Variants in ALDH1A3 observed in about 807,000 individuals in gnomAD.
ALDH1A3 encodes aldehyde dehydrogenase 1 family member A3.
A neutral mutation model predicts 57.5 loss-of-function variants in ALDH1A3; 28 were observed. That is an observed-to-expected ratio of 0.49 (90% confidence interval 0.36 to 0.67). ALDH1A3 has a LOEUF of 0.67. ALDH1A3 is among the 30% of genes least tolerant of loss of function. The pLI, the probability that ALDH1A3 is intolerant of heterozygous loss-of-function variation, is 0.00. For synonymous variants in ALDH1A3, 281 were observed against 264.8 expected, an observed-to-expected ratio of 1.06 and a Z score of -0.59; for missense variants, 507 against 669.4, an observed-to-expected ratio of 0.76 and a Z score of 2.68.
chr15:100,886,303 G>C (rs80130088), intron 2 of ALDH1A3, among the ~76,000 whole-genome samples: 4,499 of 152,304 alleles, frequency 0.03, 120 homozygotes, highest in African/African-American at 0.052. Context: ...GAGGGCATTG[G>C]GGGGAAGCCA....
chr15:100,898,347 ACAGG>A (rs1192130879), intron 8 of ALDH1A3, among the ~76,000 whole-genome samples, 162 bp downstream of exon 8: 1 of 152,244 alleles, frequency 6.6e-6, no homozygotes, highest in Non-Finnish European at 1.5e-5. Context: ...CCAGCCGCAG[ACAGG>A]CAGGTGGACA....
At position 100,914,916 on chromosome 15, in the gene ALDH1A3, G is replaced by GT; in HGVS notation, c.*147dup. 1 of 733,196 alleles carries GT rather than the reference G, an allele frequency of 1.4e-6. No homozygotes were observed. Among genetic ancestry groups the GT allele is most frequent in the Non-Finnish European group, 2.2e-6 (1 of 448,772 alleles). 45.4% of individuals were successfully genotyped at this position (733,196 alleles called of 1,614,324 possible). A position where few individuals can be genotyped will look rare whatever the true frequency, so the allele number is the denominator to read the frequency against. On this transcript the variant is annotated 3_prime_UTR_variant, in exon 13 of 13. Transcript: ENST00000329841. The stretch of plus-strand genomic sequence containing the variant: ...CATCTACTGGAGTTGAATGATTGCT[G>GT]TTTTCCTCTCACTCTCCTGTTTATT...
rs539632638 is a variant in ALDH1A3, at chr15:100,902,332, C to T, written c.1068+1573C>T. The stretch of plus-strand genomic sequence containing the variant: ...AGTCCTTCTGAAAGCTCACTAAAGC[C>T]GTCTAACCTCAGCATATTATTTTAG... On this transcript the variant is annotated intron_variant, in intron 9 of 12. Coordinates refer to ENST00000329841, the MANE Select transcript of ALDH1A3 (RefSeq NM_000693.4). Among the ~76,000 whole-genome samples the T allele has an allele frequency of 5.9e-5, 9 of 152,280 alleles. No homozygotes were observed. The East Asian group carries it at 9.6e-4, about 16-fold the overall frequency.
intron 9 of ALDH1A3, among the ~76,000 whole-genome samples, 162 bp downstream of exon 9, chr15:100,900,921 G>T (rs971498357): frequency 6.6e-6 from 1 of 152,172 alleles, no homozygotes; most frequent in Non-Finnish European, 1.5e-5. Context: ...ACACAATCCT[G>T]TCAGGTCCCG....
At chr15:100,911,089 A>G (rs550502690) in intron 12 of ALDH1A3, among the ~76,000 whole-genome samples, 5 of 152,380 alleles carry the variant, frequency 3.3e-5, no homozygotes, top group South Asian at 2.1e-4. Context: ...CCCTTGGCCT[A>G]TATTTTCTCA....
rs1338768733 is a variant in ALDH1A3, at chr15:100,893,722, C to A, written c.538-232C>A. On this transcript the variant is annotated intron_variant, in intron 5 of 12. Transcript: ENST00000329841. This position sits in a 1 kb window ranked among gnomAD's most constrained non-coding sequence, Gnocchi z 4.8. The stretch of plus-strand genomic sequence containing the variant: ...AGATGTTTTAGAGGGAGAGGTAGAA[C>A]ACATGCAACAGCATCCTCTTTGCAA... The A allele has an allele frequency of 6.5e-6, 3 of 463,566 alleles. No individual in the cohort carries two copies. Among genetic ancestry groups the A allele is most frequent in the Non-Finnish European group, 7.5e-6 (2 of 265,870 alleles). The allele number at this position is 463,566 out of a possible 1,614,324, so 28.7% of individuals were successfully genotyped here.
At chr15:100,901,611 C>A (rs1343438706) in intron 9 of ALDH1A3, among the ~76,000 whole-genome samples, 1 of 152,206 alleles carries the variant, frequency 6.6e-6, no homozygotes, top group Non-Finnish European at 1.5e-5. Context: ...CACAAAAACC[C>A]TTCCATGCCT....
At position 100,887,780 on chromosome 15, in the gene ALDH1A3, G is replaced by T; in HGVS notation, c.345+68G>T. 2 of 1,488,012 alleles carry T rather than the reference G, an allele frequency of 1.3e-6. No homozygotes were observed. Among genetic ancestry groups the T allele is most frequent in the Middle Eastern group, 2.2e-4 (1 of 4,532 alleles). 92.2% of individuals were successfully genotyped at this position (1,488,012 alleles called of 1,614,324 possible). A position where few individuals can be genotyped will look rare whatever the true frequency, so the allele number is the denominator to read the frequency against. ...TCACTGAGGGTCCTGTCCACCATGG[G>T]GTATGGGAAAAAAGATCACGGTCCT... On this transcript the variant is annotated intron_variant, in intron 3 of 12. Coordinates refer to ENST00000329841, the MANE Select transcript of ALDH1A3 (RefSeq NM_000693.4). The surrounding 1 kb of genome is among the most constrained non-coding windows in gnomAD (Gnocchi z 4.6).
At chr15:100,899,602 C>A (rs2041745537) in intron 8 of ALDH1A3, among the ~76,000 whole-genome samples, 1 of 152,108 alleles carries the variant, frequency 6.6e-6, no homozygotes, top group Non-Finnish European at 1.5e-5. Flanking sequence ...TCGCCTCACC[C>A]CTAGCTCCGT....
At position 100,879,945 on chromosome 15, in the gene ALDH1A3, C is replaced by A; in HGVS notation, c.38C>A (p.Pro13Gln). Residue 13 changes from proline to glutamine, a missense_variant, in exon 1 of 13, where the codon CCG (proline) becomes CAG (glutamine). By Grantham distance (76) the Pro-to-Gln change is moderately conservative. This residue lies in a region of ALDH1A3 where 75 missense variants were observed against 61.0 expected (regional missense o/e 1.23). Coordinates refer to ENST00000329841, the MANE Select transcript of ALDH1A3 (RefSeq NM_000693.4). ...TANGAVENGQPDRKPPALPRP... is the reference protein window; with the variant it reads ...TANGAVENGQQDRKPPALPRP... ...AACGGGGCCGTGGAAAACGGGCAGCCGGACAGGAAGCCGCCGGCCCTGCCG... is the reference window on the plus strand; with the variant it reads ...AACGGGGCCGTGGAAAACGGGCAGCAGGACAGGAAGCCGCCGGCCCTGCCG... 2.0e-6 allele frequency: 3 copies of A among 1,471,644 alleles called. No individual in the cohort carries two copies. The highest frequency in any genetic ancestry group is 1.3e-5 in the South Asian group (1 of 77,116). 91.2% of individuals were successfully genotyped at this position (1,471,644 alleles called of 1,614,324 possible).
chr15:100,880,605 A>C, intron 1 of ALDH1A3: 1 of 169,462 alleles, frequency 5.9e-6, no homozygotes. Context: ...TTACTGACGA[A>C]ACCTCCCCGG....
intron 12 of ALDH1A3, 113 bp downstream of exon 12, chr15:100,908,595 G>A (rs1383702059): frequency 2.7e-5 from 26 of 948,340 alleles, no homozygotes; most frequent in Middle Eastern, 2.2e-4. Flanking sequence ...CCACACCGCC[G>A]CTCTGTCTGG....
chr15:100,896,355 A>G (rs981764792), intron 7 of ALDH1A3, among the ~76,000 whole-genome samples: 2 of 151,874 alleles, frequency 1.3e-5, no homozygotes, highest in Non-Finnish European at 2.9e-5. Context: ...AATAGTCGTG[A>G]TGCATGCAGT....
At chr15:100,908,592 G>C in intron 12 of ALDH1A3, 110 bp downstream of exon 12, 1 of 985,498 alleles carries the variant, frequency 1.0e-6, no homozygotes, top group Non-Finnish European at 1.6e-6. Flanking sequence ...CCCCCACACC[G>C]CCGCTCTGTC....
At chr15:100,903,982 A>AT (rs936066243) in intron 9 of ALDH1A3, among the ~76,000 whole-genome samples, 2 of 151,542 alleles carry the variant, frequency 1.3e-5, no homozygotes, top group Non-Finnish European at 2.9e-5. Flanking sequence ...CCCCCACCCC[A>AT]TTTTTTTTAC....
chr15:100,905,853 G>A (rs1204508649), intron 10 of ALDH1A3, among the ~76,000 whole-genome samples, 166 bp downstream of exon 10: 1 of 151,602 alleles, frequency 6.6e-6, no homozygotes, highest in Non-Finnish European at 1.5e-5. Flanking sequence ...CCTCTCCTTT[G>A]GGGTCCCTAG....
At chr15:100,902,193 A>ATGCCTGATGTCTGAGTCT (rs2041776789) in intron 9 of ALDH1A3, among the ~76,000 whole-genome samples, 1 of 152,156 alleles carries the variant, frequency 6.6e-6, no homozygotes, top group Non-Finnish European at 1.5e-5. Context: ...TTCTTGGCTT[A>ATGCCTGATGTCTGAGTCT]TGCCTGATGT....
intron 1 of ALDH1A3, chr15:100,881,371 T>G (rs896222395): frequency 1.3e-5 from 2 of 152,202 alleles, no homozygotes; most frequent in African/African-American, 2.4e-5. Flanking sequence ...TACCCGAATT[T>G]TGTAAGACCC....
rs1292155450 is a variant in ALDH1A3 at position 100,913,049 on chromosome 15, T to G, written c.1467-1652T>G. On this transcript the variant is annotated intron_variant, in intron 12 of 12. Coordinates refer to ENST00000329841, the MANE Select transcript of ALDH1A3 (RefSeq NM_000693.4). ...AGCGGGCGCCTGTAGTCCCAGCTAC[T>G]CGGGAGGCTGAGGCAGGAGAATGGC... 2.1e-5 allele frequency among the ~76,000 whole-genome samples: 2 copies of G among 94,108 alleles called. 1 individual carries two copies. Among genetic ancestry groups the G allele is most frequent in the African/African-American group, 7.8e-5 (2 of 25,514 alleles). 61.7% of individuals were successfully genotyped at this position (94,108 alleles called of 152,430 possible). A position where few individuals can be genotyped will look rare whatever the true frequency, so the allele number is the denominator to read the frequency against.
Sources: gnomAD v4.1 joint callset for allele counts (sites outside exome capture counted in the v4.1 genomes callset) on GRCh38, gnomAD v4.1.1 for gene constraint, gnomAD v4.1.1 regional missense constraint, Gnocchi (gnomAD v3.1) non-coding constraint, MANE v1.5 for transcripts, NCBI Gene and HGNC (gene_info 2026-07-23, HGNC 2026-07-21) for gene names.